The following LCLAT1 variants were observed in gnomAD, a reference collection of about 807,000 sequenced individuals.
The protein encoded by LCLAT1 is 1-AGP acyltransferase 8.
Under a neutral mutation model 30.7 loss-of-function variants are expected in LCLAT1, and 11 were observed. That is an observed-to-expected ratio of 0.36 (90% CI 0.23 to 0.59). The LOEUF (loss-of-function observed/expected upper bound fraction) is 0.59, where lower values mean the gene tolerates loss of function less well. LCLAT1 is among the 20% of genes least tolerant of loss of function. LCLAT1 has a pLI of 0.77. For missense variants in LCLAT1, 402 were observed against 458.6 expected (o/e 0.88, Z 1.13); for synonymous variants, 155 against 151.3 (o/e 1.02, Z -0.18).
chr2:30,571,902 T>G (rs1665795325), intron 5 of LCLAT1, among the ~76,000 whole-genome samples: 1 of 152,170 alleles, frequency 6.6e-6, no homozygotes, highest in Admixed American at 6.5e-5. Context: ...TGACTTTCTT[T>G]TGAGGCCATT....
chr2:30,510,375 T>G (rs1319845177), intron 1 of LCLAT1, among the ~76,000 whole-genome samples: 4 of 152,230 alleles, frequency 2.6e-5, no homozygotes, highest in Non-Finnish European at 4.4e-5. Flanking sequence ...GGAAATAATT[T>G]TCTTTAGAAT....
At chr2:30,523,177 A>G (rs542492679) in intron 1 of LCLAT1, among the ~76,000 whole-genome samples, 1 of 152,186 alleles carries the variant, frequency 6.6e-6, no homozygotes, top group African/African-American at 2.4e-5. Context: ...ACAGGGTTTC[A>G]AACAGAGCAG....
intron 5 of LCLAT1, among the ~76,000 whole-genome samples, chr2:30,578,318 G>A (rs1666076558): frequency 6.6e-6 from 1 of 152,002 alleles, no homozygotes; most frequent in African/African-American, 2.4e-5. Context: ...ATTTTAAATG[G>A]CCTTTAGGAG....
At chr2:30,565,684 A>C (rs1387100794) in intron 4 of LCLAT1, among the ~76,000 whole-genome samples, 2 of 152,164 alleles carry the variant, frequency 1.3e-5, no homozygotes. Context: ...TACTCTCACG[A>C]AGTTTACGTT....
intron 2 of LCLAT1, among the ~76,000 whole-genome samples, chr2:30,527,434 C>T (rs1685771534): frequency 6.6e-6 from 1 of 152,124 alleles, no homozygotes; most frequent in African/African-American, 2.4e-5. Flanking sequence ...TAATTATGAA[C>T]CACACATTTT....
intron 3 of LCLAT1, among the ~76,000 whole-genome samples, chr2:30,535,616 G>C (rs960736432): frequency 1.3e-5 from 2 of 152,128 alleles, no homozygotes; most frequent in Non-Finnish European, 2.9e-5. Context: ...CCAAAGTCAA[G>C]GCACCCTACC....
Position 30,643,641 on chromosome 2 carries a change from T to G in LCLAT1, c.*3022T>G, listed in dbSNP as rs1669427850. 1 of 152,440 alleles carries G rather than the reference T, an allele frequency of 6.6e-6. No individual in the cohort carries two copies. The highest frequency in any genetic ancestry group is 2.4e-5 in the African/African-American group (1 of 41,288). The allele number at this position is 152,440 out of a possible 1,614,324, so 9.4% of individuals were successfully genotyped here. ...GCAGAAACATTTGTTTCACCCAGAC[T>G]TCAAACTCTAGCCCTGACTATGATG... On this transcript the variant is annotated 3_prime_UTR_variant, in exon 6 of 6. Transcript: ENST00000379509.
At chr2:30,499,518 T>C (rs1684266177) in intron 1 of LCLAT1, among the ~76,000 whole-genome samples, 1 of 152,198 alleles carries the variant, frequency 6.6e-6, no homozygotes. Context: ...ATGAGACTTC[T>C]TGGGATTTTT....
chr2:30,499,849 A>G (rs529844192), intron 1 of LCLAT1, among the ~76,000 whole-genome samples: 40 of 152,292 alleles, frequency 2.6e-4, no homozygotes, highest in African/African-American at 9.4e-4. Context: ...CACATTAACT[A>G]TGTTTTTATT....
chr2:30,508,164 A>G (rs1684765847), intron 1 of LCLAT1, among the ~76,000 whole-genome samples: 1 of 151,932 alleles, frequency 6.6e-6, no homozygotes, highest in Admixed American at 6.6e-5. Context: ...TAAGTTTTTT[A>G]TAGATGCTGG....
chr2:30,466,312 T>C (rs1682428485), intron 1 of LCLAT1, among the ~76,000 whole-genome samples: 1 of 150,354 alleles, frequency 6.7e-6, no homozygotes, highest in South Asian at 2.2e-4. Flanking sequence ...TAGGCTGGGC[T>C]GGAGCTCCTA....
intron 1 of LCLAT1, among the ~76,000 whole-genome samples, chr2:30,450,409 A>G (rs570152063): frequency 7.0e-6 from 1 of 142,484 alleles, no homozygotes; most frequent in African/African-American, 2.5e-5. Context: ...ACTCTTAGCT[A>G]AGAGAGTGGG....
intron 3 of LCLAT1, among the ~76,000 whole-genome samples, chr2:30,547,980 G>C (rs188957729): frequency 6.7e-4 from 102 of 152,162 alleles, no homozygotes; most frequent in Non-Finnish European, 1.3e-3. Context: ...AAATAAAGTA[G>C]AATATGTTAA....
chr2:30,537,521 TACACAC>T (rs58394759), intron 3 of LCLAT1, among the ~76,000 whole-genome samples: 4 of 149,104 alleles, frequency 2.7e-5, no homozygotes, highest in African/African-American at 7.4e-5. Context: ...CAATTGTAAA[TACACAC>T]ACACACACAC....
At chr2:30,549,638 G>T (rs377428198) in intron 3 of LCLAT1, among the ~76,000 whole-genome samples, 42 of 152,190 alleles carry the variant, frequency 2.8e-4, no homozygotes, top group African/African-American at 9.9e-4. Flanking sequence ...TGAACCCTCT[G>T]TATCTCATAG....
chr2:30,551,699 A>T (rs953702540), intron 3 of LCLAT1, among the ~76,000 whole-genome samples: 1 of 152,266 alleles, frequency 6.6e-6, no homozygotes, highest in Middle Eastern at 3.4e-3. Context: ...AGCCTTTTCT[A>T]GCTTCTAATG....
At chr2:30,480,257 G>T (rs2148308451) in intron 1 of LCLAT1, among the ~76,000 whole-genome samples, 1 of 152,174 alleles carries the variant, frequency 6.6e-6, no homozygotes, top group Non-Finnish European at 1.5e-5. Context: ...TTTTGTCCAG[G>T]GTGGAGTGCA....
At chr2:30,522,061 T>G (rs1020936704) in intron 1 of LCLAT1, among the ~76,000 whole-genome samples, 1 of 152,238 alleles carries the variant, frequency 6.6e-6, no homozygotes, top group Non-Finnish European at 1.5e-5. Flanking sequence ...AGTATGCCAT[T>G]GTGTGGATGT....
At chr2:30,533,615 G>C (rs556808330) in intron 3 of LCLAT1, among the ~76,000 whole-genome samples, 1 of 152,290 alleles carries the variant, frequency 6.6e-6, no homozygotes, top group Admixed American at 6.5e-5. Context: ...ATTGCAGGTA[G>C]TACTTGTGAT....
Sources: gnomAD v4.1 joint callset for allele counts (sites outside exome capture counted in the v4.1 genomes callset) on GRCh38, gnomAD v4.1.1 for gene constraint, MANE v1.5 for transcripts, NCBI Gene and HGNC (gene_info 2026-07-23, HGNC 2026-07-21) for gene names.